Variants in RANBP2 observed in about 807,000 individuals in gnomAD.
The protein encoded by RANBP2 is RAN binding protein 2.
In RANBP2, 57 loss-of-function variants were observed where a neutral mutation model predicts 303.6. The ratio of observed to expected loss-of-function variants is 0.19; its 90% CI spans 0.15 to 0.23. The LOEUF (loss-of-function observed/expected upper bound fraction) is 0.23, where lower values mean the gene tolerates loss of function less well. Ranked by LOEUF, RANBP2 falls within the 10% of genes least tolerant of loss-of-function variation. The pLI is 1.00. For synonymous variants in RANBP2, 1,167 were observed against 1,301.5 expected (o/e 0.90, Z 2.23); for missense variants, 3,138 against 3,780.8 (o/e 0.83, Z 4.46).
At chr2:109,052,164 T>A in the RANBP2 span, among the ~76,000 whole-genome samples, 8 of 152,248 alleles carry the variant, frequency 5.3e-5, no homozygotes, top group African/African-American at 1.9e-4. Context: ...CACTTCTTCA[T>A]CATTTCACTG....
chr2:108,921,712 G>A, the RANBP2 span, among the ~76,000 whole-genome samples: 1 of 152,214 alleles, frequency 6.6e-6, no homozygotes, highest in South Asian at 2.1e-4. Context: ...AGGCCCAGGG[G>A]TGGAGGGCAT....
At chr2:109,235,356 A>G in the RANBP2 span, among the ~76,000 whole-genome samples, 3 of 152,120 alleles carry the variant, frequency 2.0e-5, no homozygotes, top group Non-Finnish European at 4.4e-5. Context: ...AAGGGCCACT[A>G]AAGAGACCAG....
the RANBP2 span, among the ~76,000 whole-genome samples, chr2:108,813,269 A>G: frequency 2.9e-3 from 437 of 151,050 alleles, 2 homozygotes; most frequent in African/African-American, 9.6e-3. Context: ...AAAAAAAAAA[A>G]AAAGAAAATT....
At chr2:108,930,819 G>A in the RANBP2 span, 1 of 890,964 alleles carries the variant, frequency 1.1e-6, no homozygotes, top group Admixed American at 1.8e-5. Context: ...TGCTTTGCAG[G>A]CCTGGTTTCA....
the RANBP2 span, among the ~76,000 whole-genome samples, chr2:109,276,186 A>G: frequency 6.6e-6 from 1 of 152,196 alleles, no homozygotes; most frequent in Non-Finnish European, 1.5e-5. Context: ...GACCTGAGAA[A>G]ACACCAGCGT....
At chr2:109,591,248 T>C in the RANBP2 span, among the ~76,000 whole-genome samples, 1 of 152,244 alleles carries the variant, frequency 6.6e-6, no homozygotes, top group African/African-American at 2.4e-5. Flanking sequence ...GATAGGCATA[T>C]GCTTATTACA....
chr2:108,895,584 CTG>C, the RANBP2 span: 1 of 152,234 alleles, frequency 6.6e-6, no homozygotes, highest in Non-Finnish European at 1.5e-5. Context: ...ACAAACCACA[CTG>C]TGTTGACTTC....
chr2:109,365,255 A>G, the RANBP2 span, among the ~76,000 whole-genome samples: 1 of 152,170 alleles, frequency 6.6e-6, no homozygotes, highest in Non-Finnish European at 1.5e-5. Flanking sequence ...TCCTTGAGGC[A>G]CAATTCACAA....
chr2:109,061,537 C>T, the RANBP2 span, among the ~76,000 whole-genome samples: 10 of 152,256 alleles, frequency 6.6e-5, no homozygotes, highest in Non-Finnish European at 1.2e-4. Flanking sequence ...AACAGGGAGA[C>T]ACTGAGGTTT....
chr2:109,272,939 A>T, the RANBP2 span, among the ~76,000 whole-genome samples: 3 of 152,202 alleles, frequency 2.0e-5, no homozygotes, highest in African/African-American at 7.2e-5. Flanking sequence ...TCATGAAAGG[A>T]ATCACAAAGG....
the RANBP2 span, among the ~76,000 whole-genome samples, chr2:109,170,413 T>C: frequency 6.6e-5 from 10 of 151,946 alleles, no homozygotes; most frequent in African/African-American, 2.4e-4. Flanking sequence ...TGGCACAATC[T>C]CGGCTCACTG....
the RANBP2 span, chr2:108,907,902 G>T: frequency 6.2e-7 from 1 of 1,613,694 alleles, no homozygotes; most frequent in Middle Eastern, 1.6e-4. Flanking sequence ...CCCTGGCCAG[G>T]TGAACCAGCG....
At chr2:109,374,183 G>A in the RANBP2 span, among the ~76,000 whole-genome samples, 3 of 152,100 alleles carry the variant, frequency 2.0e-5, no homozygotes, top group Non-Finnish European at 4.4e-5. Context: ...AGGAAGCCCT[G>A]GACTGTCCTT....
chr2:108,735,942 A>G (rs1478025917), intron 5 of RANBP2, among the ~76,000 whole-genome samples, 162 bp from the exon 6 acceptor site: 1 of 152,242 alleles, frequency 6.6e-6, no homozygotes, highest in African/African-American at 2.4e-5. Flanking sequence ...GGAGATAACT[A>G]TGATAAATGT....
chr2:108,998,079 T>C, the RANBP2 span, among the ~76,000 whole-genome samples: 1 of 152,076 alleles, frequency 6.6e-6, no homozygotes, highest in Non-Finnish European at 1.5e-5. Context: ...ACCGGAACTG[T>C]TGCTCTCCCT....
At chr2:109,359,036 A>G in the RANBP2 span, among the ~76,000 whole-genome samples, 1 of 152,218 alleles carries the variant, frequency 6.6e-6, no homozygotes, top group Non-Finnish European at 1.5e-5. Context: ...TTTAAAAACT[A>G]TCTTTTCTCC....
chr2:109,564,285 GC>G, the RANBP2 span: 2 of 1,237,730 alleles, frequency 1.6e-6, no homozygotes, highest in South Asian at 5.4e-5. Context: ...AAGAACACAT[GC>G]CCCATCATCC....
At chr2:109,129,625 G>C in the RANBP2 span, 3 of 1,491,746 alleles carry the variant, frequency 2.0e-6, no homozygotes, top group African/African-American at 4.4e-5. Context: ...CAGGCCAGGC[G>C]AGCGACGGCG....
chr2:109,112,659 T>C, the RANBP2 span, among the ~76,000 whole-genome samples: 1 of 152,154 alleles, frequency 6.6e-6, no homozygotes, highest in Non-Finnish European at 1.5e-5. Context: ...TTGTCAATTT[T>C]GGCTTTTGTT....
Sources: gnomAD v4.1 joint callset for allele counts (sites outside exome capture counted in the v4.1 genomes callset) on GRCh38, gnomAD v4.1.1 for gene constraint, MANE v1.5 for transcripts, NCBI Gene and HGNC (gene_info 2026-07-23, HGNC 2026-07-21) for gene names.